ASB18: variants seen among roughly 807,000 people sequenced by gnomAD.
The protein encoded by ASB18 is ankyrin repeat and SOCS box protein 18.
ASB18 carries 33 observed loss-of-function variants against 33.4 expected under a neutral mutation model. The ratio of observed to expected loss-of-function variants is 0.99; its 90% CI spans 0.75 to 1.32. The LOEUF is 1.32. Ranked by LOEUF, ASB18 falls within the 40% of genes most tolerant of loss-of-function variation. ASB18 has a pLI of 0.00. For missense variants in ASB18, 694 were observed against 655.5 expected (o/e 1.06, Z -0.64); for synonymous variants, 295 against 307.6 (o/e 0.96, Z 0.43).
At chr2:236,210,556 C>T (rs2060454849) in intron 4 of ASB18, 1 of 152,250 alleles carries the variant, frequency 6.6e-6, no homozygotes, top group South Asian at 2.1e-4. Context: ...AGTCTGAACT[C>T]TTTACAGTCA....
At position 236,241,406 on chromosome 2, in the gene ASB18, C is replaced by T. The variant is rs180959953; in HGVS notation, c.206-4G>A. 7.4e-6 allele frequency: 12 copies of T among 1,613,954 alleles called. No individual in the cohort carries two copies. The highest frequency in any genetic ancestry group is 6.7e-5 in the African/African-American group (5 of 75,046). ...GGCTTCAGATGGTCGAGGTCCCCTGCGACCAGGGCAGTGTGGTACTCCTGC... is the reference window on the plus strand; with the variant it reads ...GGCTTCAGATGGTCGAGGTCCCCTGTGACCAGGGCAGTGTGGTACTCCTGC... On this transcript the variant is annotated splice_polypyrimidine_tract_variant and splice_region_variant and intron_variant, in intron 1 of 5. Transcript: ENST00000409749. This position sits in a 1 kb window ranked among gnomAD's most constrained non-coding sequence, Gnocchi z 4.2.
In ASB18 at chr2:236,237,342, CCGGGGCCGGGGCGCGGGGCGGGG is replaced by C. The variant is rs2060597196; in HGVS notation, c.596+324_596+346del. On this transcript the variant is annotated intron_variant, in intron 3 of 5. Transcript: ENST00000409749. The surrounding 1 kb of genome is among the most constrained non-coding windows in gnomAD (Gnocchi z 6.2). Reference sequence around the variant, plus strand: ...CAAGCGCTAATTAAACCCGCGGGGGCCGGGGCCGGGGCGCGGGGCGGGGGCCGGGGCCGGGGCGCGGGGCGGGG... The same window carrying C: ...CAAGCGCTAATTAAACCCGCGGGGGCGCCGGGGCCGGGGCGCGGGGCGGGG... 1.6e-5 allele frequency among the ~76,000 whole-genome samples: 1 copy of C among 63,416 alleles called. No individual in the cohort carries two copies. The highest frequency in any genetic ancestry group is 3.7e-5 in the Non-Finnish European group (1 of 26,950). The allele number at this position is 63,416 out of a possible 152,430, so 41.6% of individuals were successfully genotyped here.
At position 236,263,889 on chromosome 2, in the gene ASB18, C is replaced by T. The variant is rs374279527; in HGVS notation, c.205+252G>A. ...CACGCAAATGGACAGGCTTGGAAAA[C>T]AATGGAGCCACAGAGCAGCCACTGT... On this transcript the variant is annotated intron_variant, in intron 1 of 5. Transcript: ENST00000409749. The surrounding 1 kb of genome is among the most constrained non-coding windows in gnomAD (Gnocchi z 4.0). Among the ~76,000 whole-genome samples the T allele has an allele frequency of 3.3e-5, 5 of 152,112 alleles. No homozygotes were observed. The highest frequency in any genetic ancestry group is 1.2e-4 in the African/African-American group (5 of 41,410).
At chr2:236,240,121 A>T (rs2060614945) in intron 2 of ASB18, among the ~76,000 whole-genome samples, 1 of 152,212 alleles carries the variant, frequency 6.6e-6, no homozygotes, top group African/African-American at 2.4e-5. Flanking sequence ...GGTGAACATG[A>T]CTATCTATTT....
intron 1 of ASB18, chr2:236,247,209 T>C (rs2060649203): frequency 6.6e-6 from 1 of 150,568 alleles, no homozygotes; most frequent in Admixed American, 6.6e-5. Context: ...GATTATTTCA[T>C]AAGCATGGCA....
intron 4 of ASB18, among the ~76,000 whole-genome samples, chr2:236,198,236 T>C (rs2060383436): frequency 6.6e-6 from 1 of 152,236 alleles, no homozygotes; most frequent in African/African-American, 2.4e-5. Flanking sequence ...ACATTTTGTG[T>C]ATGCTAATGT....
rs1485148839 is a variant in ASB18 at position 236,245,923 on chromosome 2, G to A, written c.206-4521C>T. ...GCCATCTGTTGCCTTTCACCCTTAG[G>A]GAAGAACACCATAACGTGGACGCTC... On this transcript the variant is annotated intron_variant, in intron 1 of 5. Coordinates refer to ENST00000409749, the MANE Select transcript of ASB18 (RefSeq NM_212556.4). The surrounding 1 kb of genome is among the most constrained non-coding windows in gnomAD (Gnocchi z 4.7). 6.6e-6 allele frequency among the ~76,000 whole-genome samples: 1 copy of A among 152,142 alleles called. No homozygotes were observed. The highest frequency in any genetic ancestry group is 2.1e-4 in the South Asian group (1 of 4,822).
chr2:236,202,776 T>TAAAAA (rs2060410590), intron 4 of ASB18, among the ~76,000 whole-genome samples: 2 of 57,574 alleles, frequency 3.5e-5, no homozygotes, highest in South Asian at 6.4e-4. Flanking sequence ...AGACTCCGTC[T>TAAAAA]CAAAAAAAAA....
chr2:236,233,327 TATC>T (rs1327969552), intron 3 of ASB18, among the ~76,000 whole-genome samples: 9 of 152,232 alleles, frequency 5.9e-5, no homozygotes, highest in Non-Finnish European at 1.3e-4. Flanking sequence ...TTACAGCTAA[TATC>T]ATACTTAGTG....
chr2:236,227,637 A>G (rs915636176), intron 3 of ASB18, among the ~76,000 whole-genome samples: 2 of 152,108 alleles, frequency 1.3e-5, no homozygotes, highest in Non-Finnish European at 2.9e-5. Context: ...AAAATTGTAT[A>G]GTATGAAAAT....
At chr2:236,201,602 TG>T (rs1277641104) in intron 4 of ASB18, among the ~76,000 whole-genome samples, 3 of 149,544 alleles carry the variant, frequency 2.0e-5, no homozygotes, top group Non-Finnish European at 4.4e-5. Context: ...CTGTAGACAA[TG>T]TCTGTTTTGG....
intron 3 of ASB18, among the ~76,000 whole-genome samples, chr2:236,233,693 T>C (rs770023509): frequency 5.9e-5 from 9 of 152,176 alleles, no homozygotes; most frequent in Admixed American, 2.0e-4. Flanking sequence ...TAATTAGGGA[T>C]AAATCTTACA....
rs972744777 is a variant in ASB18 at position 236,229,872 on chromosome 2, A to C, written c.596+7817T>G. 3.9e-5 allele frequency among the ~76,000 whole-genome samples: 6 copies of C among 152,118 alleles called. No individual in the cohort carries two copies. The highest frequency in any genetic ancestry group is 2.0e-4 in the Admixed American group (3 of 15,250). ...ATAATAAAAAGAAACATAAAACTAC[A>C]TCAAAGCACCTCATAACCAAATTGC... On this transcript the variant is annotated intron_variant, in intron 3 of 5. Transcript: ENST00000409749. This position sits in a 1 kb window ranked among gnomAD's most constrained non-coding sequence, Gnocchi z 5.2.
chr2:236,214,893 G>T lies in ASB18; in HGVS notation c.597-27C>A. 1 of 1,207,320 alleles carries T rather than the reference G, an allele frequency of 8.3e-7. No homozygotes were observed. The allele number at this position is 1,207,320 out of a possible 1,614,324, so 74.8% of individuals were successfully genotyped here. ...TGTGGGAAGCCAGGGCCTGTCACTC[G>T]GGCGCCACGCAGGACGCCCGCACCC... On this transcript the variant is annotated intron_variant, in intron 3 of 5. Coordinates refer to ENST00000409749, the MANE Select transcript of ASB18 (RefSeq NM_212556.4). The surrounding 1 kb of genome is among the most constrained non-coding windows in gnomAD (Gnocchi z 6.5).
chr2:236,255,148 T>G lies in ASB18; in HGVS notation c.205+8993A>C, dbSNP rs566435933. On this transcript the variant is annotated intron_variant, in intron 1 of 5. Coordinates refer to ENST00000409749, the MANE Select transcript of ASB18 (RefSeq NM_212556.4). The surrounding 1 kb of genome is among the most constrained non-coding windows in gnomAD (Gnocchi z 4.4). ...CCTCTGGTATTTCTTTCTTTTTCTT[T>G]TTTTTCTTTCTTTGAGACGGAGTCT... Among the ~76,000 whole-genome samples, 3 of 152,250 alleles carry G rather than the reference T, an allele frequency of 2.0e-5. No individual in the cohort carries two copies. The highest frequency in any genetic ancestry group is 6.5e-5 in the Admixed American group (1 of 15,294).
chr2:236,200,231 C>T lies in ASB18; in HGVS notation c.1102-3846G>A, dbSNP rs897874748. ...AGGCATGGTGGTGCACATCTGTAGT[C>T]CCAGCTCCTCGGGAGGCAGAGGTAG... On this transcript the variant is annotated intron_variant, in intron 4 of 5. Transcript: ENST00000409749. This position sits in a 1 kb window ranked among gnomAD's most constrained non-coding sequence, Gnocchi z 4.2. Among the ~76,000 whole-genome samples the T allele has an allele frequency of 6.6e-6, 1 of 152,082 alleles. No homozygotes were observed. Among genetic ancestry groups the T allele is most frequent in the East Asian group, 1.9e-4 (1 of 5,176 alleles).
At chr2:236,202,317 C>G (rs1530954) in intron 4 of ASB18, among the ~76,000 whole-genome samples, 26,049 of 151,910 alleles carry the variant, frequency 0.17, 2,229 homozygotes, top group South Asian at 0.25. Context: ...GTGTTGGTAA[C>G]AGGGTAGTTT....
rs1414694540 is a variant in ASB18 at position 236,223,078 on chromosome 2, T to C, written c.597-8212A>G. 6.6e-6 allele frequency among the ~76,000 whole-genome samples: 1 copy of C among 152,180 alleles called. No individual in the cohort carries two copies. Among genetic ancestry groups the C allele is most frequent in the Non-Finnish European group, 1.5e-5 (1 of 68,038 alleles). On this transcript the variant is annotated intron_variant, in intron 3 of 5. Coordinates refer to ENST00000409749, the MANE Select transcript of ASB18 (RefSeq NM_212556.4). This position sits in a 1 kb window ranked among gnomAD's most constrained non-coding sequence, Gnocchi z 4.6. ...TCCTGCTTTCACTGTGTGGTGTGCCTGCTTGCTGTTTGCCTTCTGCCATGA... is the reference window on the plus strand; with the variant it reads ...TCCTGCTTTCACTGTGTGGTGTGCCCGCTTGCTGTTTGCCTTCTGCCATGA...
rs1222490867 is a variant in ASB18, at chr2:236,259,033, T to C, written c.205+5108A>G. On this transcript the variant is annotated intron_variant, in intron 1 of 5. Coordinates refer to ENST00000409749, the MANE Select transcript of ASB18 (RefSeq NM_212556.4). The surrounding 1 kb of genome is among the most constrained non-coding windows in gnomAD (Gnocchi z 4.4). ...GTTACCAAATTGTACAGTTGATGCA[T>C]TTGGGGGGCGAGATGGGTCTCACTG... Among the ~76,000 whole-genome samples the C allele has an allele frequency of 6.6e-6, 1 of 152,190 alleles. No individual in the cohort carries two copies. The highest frequency in any genetic ancestry group is 1.5e-5 in the Non-Finnish European group (1 of 68,026).
Sources: gnomAD v4.1 joint callset for allele counts (sites outside exome capture counted in the v4.1 genomes callset) on GRCh38, gnomAD v4.1.1 for gene constraint, Gnocchi (gnomAD v3.1) non-coding constraint, MANE v1.5 for transcripts, NCBI Gene and HGNC (gene_info 2026-07-23, HGNC 2026-07-21) for gene names.